Variants in PDCL2 observed in about 807,000 individuals in gnomAD.
PDCL2 encodes phosducin like 2, also known as phosducin-like protein 2.
In PDCL2, 23 loss-of-function variants were observed where a neutral mutation model predicts 30.3. That is an observed-to-expected ratio of 0.76 (90% confidence interval 0.55 to 1.08). PDCL2 has a LOEUF of 1.08. Among genes scored for constraint, PDCL2 ranks in the 50% least tolerant of loss-of-function variants. PDCL2 has a pLI of 0.00. For missense variants in PDCL2, 243 were observed against 282.3 expected, an observed-to-expected ratio of 0.86 and a Z score of 1.00; for synonymous variants, 68 against 86.2, an observed-to-expected ratio of 0.79 and a Z score of 1.17.
At chr4:55,584,008 C>T (rs537807676) in intron 1 of PDCL2, among the ~76,000 whole-genome samples, 19 of 152,288 alleles carry the variant, frequency 1.2e-4, no homozygotes, top group African/African-American at 4.1e-4. Flanking sequence ...AATATGAACA[C>T]TTTAACAATA....
rs771915516 is a variant in PDCL2, at chr4:55,580,846, C to A, written c.193G>T (p.Asp65Tyr). The change falls in exon 3 of 6, where the codon GAT becomes TAT. Residue 65 changes from aspartate (D) to tyrosine (Y), a missense_variant. Physicochemically the swap from Asp to Tyr is radical, Grantham distance 160. Coordinates refer to ENST00000295645, the MANE Select transcript of PDCL2 (RefSeq NM_152401.3). ...CTATATGTTTCAACAGCCTGCATAT[C>A]TTCTTCATCAAATTCATCTTCAGCT... ...KEAEDEFDEE[D>Y]MQAVETYRKK... The A allele has an allele frequency of 6.2e-7, 1 of 1,609,400 alleles. No individual in the cohort carries two copies. Among genetic ancestry groups the A allele is most frequent in the South Asian group, 1.1e-5 (1 of 89,938 alleles).
intron 5 of PDCL2, among the ~76,000 whole-genome samples, chr4:55,561,145 G>A (rs1732122252): frequency 2.0e-5 from 3 of 151,790 alleles, no homozygotes; most frequent in African/African-American, 7.3e-5. Context: ...AAAACAAGGT[G>A]GTGAAACAAG....
intron 5 of PDCL2, among the ~76,000 whole-genome samples, 182 bp from the exon 6 acceptor site, chr4:55,556,893 G>C (rs1159294239): frequency 6.6e-6 from 1 of 152,046 alleles, no homozygotes; most frequent in Non-Finnish European, 1.5e-5. Context: ...GAGTGCAGTG[G>C]CACAATCTTG....
intron 1 of PDCL2, among the ~76,000 whole-genome samples, chr4:55,587,967 C>G (rs1469796095): frequency 6.6e-6 from 1 of 151,996 alleles, no homozygotes; most frequent in African/African-American, 2.4e-5. Context: ...GTGTCATAAC[C>G]AAGAAATTAT....
Position 55,562,577 on chromosome 4 carries a change from C to G in PDCL2, c.398G>C (p.Ser133Thr). The G allele has an allele frequency of 6.2e-7, 1 of 1,600,932 alleles. No individual in the cohort carries two copies. Among genetic ancestry groups the G allele is most frequent in the Non-Finnish European group, 8.5e-7 (1 of 1,174,450 alleles). The change falls in exon 5 of 6, where the codon AGT becomes ACT. Residue 133 changes from serine (S) to threonine (T), a missense_variant. Coordinates refer to ENST00000295645, the MANE Select transcript of PDCL2 (RefSeq NM_152401.3). ...PMCLLVNQHL[S>T]LLARKFPETK... ...TTCTGGAAACTTTCTTGCTAGAAGA[C>G]TAAGATGCTGGTTAACCAACAAACA...
intron 3 of PDCL2, among the ~76,000 whole-genome samples, chr4:55,573,969 C>A (rs944261955): frequency 6.6e-6 from 1 of 151,682 alleles, no homozygotes; most frequent in Non-Finnish European, 1.5e-5. Flanking sequence ...TCTCGGCTCA[C>A]TGCAACCTCT....
At chr4:55,568,976 CA>C (rs1415502008) in intron 4 of PDCL2, among the ~76,000 whole-genome samples, 1 of 152,144 alleles carries the variant, frequency 6.6e-6, no homozygotes, top group Non-Finnish European at 1.5e-5. Context: ...CCTAGAAGCT[CA>C]AAGACCCTTT....
chr4:55,587,081 GAAATCT>G (rs1236063996), intron 1 of PDCL2, among the ~76,000 whole-genome samples: 4 of 151,764 alleles, frequency 2.6e-5, no homozygotes, highest in Non-Finnish European at 5.9e-5. Flanking sequence ...TGGAGGCTGG[GAAATCT>G]AAGATTATGG....
At chr4:55,562,183 G>A (rs539817730) in intron 5 of PDCL2, among the ~76,000 whole-genome samples, 2 of 152,266 alleles carry the variant, frequency 1.3e-5, no homozygotes, top group African/African-American at 4.8e-5. Flanking sequence ...TAAAGGAGAA[G>A]ATTCTAAATT....
intron 1 of PDCL2, among the ~76,000 whole-genome samples, chr4:55,587,216 T>TAAAAAAAAAAAAAAAAAAAAAAAAA (rs869107656): frequency 1.6e-5 from 1 of 62,832 alleles, no homozygotes; most frequent in African/African-American, 7.4e-5. Flanking sequence ...GACAGAATAG[T>TAAAAAAAAAAAAAAAAAAAAAAAAA]AAAAAAAAAA....
chr4:55,560,012 T>C (rs1732082894), intron 5 of PDCL2, among the ~76,000 whole-genome samples: 1 of 152,040 alleles, frequency 6.6e-6, no homozygotes, highest in African/African-American at 2.4e-5. Context: ...ACAGAGTTTG[T>C]TATGTAAGAT....
At chr4:55,589,987 A>C (rs6842960) in intron 1 of PDCL2, among the ~76,000 whole-genome samples, 115,882 of 151,356 alleles carry the variant, frequency 0.77, 44,717 homozygotes, top group East Asian at 0.9. Flanking sequence ...TTTTGAGGTC[A>C]GGACTCCAAG....
At chr4:55,577,008 C>T (rs1036636787) in intron 3 of PDCL2, among the ~76,000 whole-genome samples, 9 of 152,068 alleles carry the variant, frequency 5.9e-5, no homozygotes, top group Non-Finnish European at 1.2e-4. Flanking sequence ...AGCAATTCTC[C>T]TGCCTCAGCC....
At chr4:55,570,213 A>G (rs1577909577) in intron 3 of PDCL2, among the ~76,000 whole-genome samples, 1 of 152,298 alleles carries the variant, frequency 6.6e-6, no homozygotes, top group Middle Eastern at 3.4e-3. Context: ...TCCAACATTA[A>G]CCAAGTGCTT....
chr4:55,582,189 T>C lies in PDCL2; in HGVS notation c.55A>G (p.Ile19Val), dbSNP rs1370372303. The part of the protein sequence containing the change: ...EWNDILRDFG[I>V]LPPKEESKDE... Reference sequence around the variant, plus strand: ...TTTGACTCTTCTTTAGGAGGAAGAATGCCGAAATCTCTTAAAATGTCATTC... The same window carrying C: ...TTTGACTCTTCTTTAGGAGGAAGAACGCCGAAATCTCTTAAAATGTCATTC... Residue 19 changes from isoleucine (I) to valine (V), a missense_variant, in exon 2 of 6, where the codon ATT becomes GTT. Ile to Val is a conservative substitution (Grantham distance 29). Transcript: ENST00000295645. 6.2e-7 allele frequency: 1 copy of C among 1,612,314 alleles called. No homozygotes were observed. Among genetic ancestry groups the C allele is most frequent in the South Asian group, 1.1e-5 (1 of 90,692 alleles).
chr4:55,556,967 G>A (rs1306160244), intron 5 of PDCL2, among the ~76,000 whole-genome samples: 1 of 152,092 alleles, frequency 6.6e-6, no homozygotes, highest in Admixed American at 6.5e-5. Context: ...CTGAGTAGCT[G>A]CAATTACAGG....
chr4:55,570,431 G>A (rs1732392120), intron 3 of PDCL2, among the ~76,000 whole-genome samples: 1 of 152,196 alleles, frequency 6.6e-6, no homozygotes, highest in South Asian at 2.1e-4. Flanking sequence ...GTAGAGGAGA[G>A]TGATTATGAG....
chr4:55,569,922 A>G (rs530969919), intron 3 of PDCL2, 61 bp from the exon 4 acceptor site: 48 of 1,223,792 alleles, frequency 3.9e-5, no homozygotes, highest in Middle Eastern at 4.1e-4. Flanking sequence ...GGTCATTCTC[A>G]TATGTAATAA....
intron 5 of PDCL2, among the ~76,000 whole-genome samples, chr4:55,558,125 CAAAAAA>C (rs34621105): frequency 8.2e-6 from 1 of 122,074 alleles, no homozygotes; most frequent in African/African-American, 3.3e-5. Context: ...GACTCCGTCT[CAAAAAA>C]AAAAAAAAAA....
Sources: allele counts gnomAD v4.1 joint callset (sites outside exome capture counted in the v4.1 genomes callset), GRCh38; gene constraint gnomAD v4.1.1; transcripts MANE v1.5; gene names NCBI Gene and HGNC (gene_info 2026-07-23, HGNC 2026-07-21).